The following IL19 variants were observed in gnomAD, a reference collection of about 807,000 sequenced individuals.
IL19 encodes the protein interleukin-19.
IL19 carries 15 observed loss-of-function variants against 19.5 expected under a neutral mutation model. That is an observed-to-expected ratio of 0.77 (90% CI 0.52 to 1.19). The LOEUF (loss-of-function observed/expected upper bound fraction) is 1.19. IL19 is among the 50% of genes most tolerant of loss of function. The pLI, the probability that IL19 is intolerant of heterozygous loss-of-function variation, is 0.00. For synonymous variants in IL19, 78 were observed against 78.3 expected, an observed-to-expected ratio of 1.00 and a Z score of 0.02; for missense variants, 199 against 213.1, an observed-to-expected ratio of 0.93 and a Z score of 0.41.
At chr1:206,797,790 G>C (rs981440388) in intron 1 of IL19, among the ~76,000 whole-genome samples, 3 of 152,206 alleles carry the variant, frequency 2.0e-5, no homozygotes, top group Non-Finnish European at 4.4e-5. Flanking sequence ...GTCTGGAGAA[G>C]GTGTCGTGGT....
intron 5 of IL19, 31 bp from the exon 6 acceptor site, chr1:206,840,971 CCT>C: frequency 6.3e-7 from 1 of 1,588,780 alleles, no homozygotes; most frequent in Non-Finnish European, 8.6e-7. Context: ...GTGGAAATGT[CCT>C]CTGATAGGAG....
chr1:206,834,594 G>A (rs1168169722), intron 2 of IL19, among the ~76,000 whole-genome samples: 1 of 152,212 alleles, frequency 6.6e-6, no homozygotes, highest in Non-Finnish European at 1.5e-5. Context: ...TCAACGAGAA[G>A]AGATAGAGAG....
chr1:206,775,386 A>G (rs907883621), intron 1 of IL19, among the ~76,000 whole-genome samples: 1 of 152,058 alleles, frequency 6.6e-6, no homozygotes, highest in East Asian at 1.9e-4. Context: ...TGAAATGTGT[A>G]GCTAATTATC....
chr1:206,820,598 A>G (rs1676268238), intron 2 of IL19, among the ~76,000 whole-genome samples: 1 of 152,228 alleles, frequency 6.6e-6, no homozygotes, highest in Admixed American at 6.5e-5. Context: ...TGCTAAAAGC[A>G]AACCATCCCA....
chr1:206,810,819 T>C (rs1675986269), intron 2 of IL19, among the ~76,000 whole-genome samples: 1 of 152,218 alleles, frequency 6.6e-6, no homozygotes, highest in Non-Finnish European at 1.5e-5. Flanking sequence ...AGATCCTTCA[T>C]GAATGGCTTG....
chr1:206,781,935 A>G (rs1472652409), intron 1 of IL19, among the ~76,000 whole-genome samples: 1 of 107,652 alleles, frequency 9.3e-6, no homozygotes, highest in Admixed American at 9.9e-5. Flanking sequence ...ATATACATAT[A>G]TATGTATATA....
chr1:206,841,107 T>C, intron 6 of IL19, 29 bp downstream of exon 6: 1 of 1,587,624 alleles, frequency 6.3e-7, no homozygotes, highest in Non-Finnish European at 8.7e-7. Context: ...TTGGGGAAGA[T>C]GGAAGATGAG....
intron 1 of IL19, among the ~76,000 whole-genome samples, chr1:206,781,414 C>CA (rs57060549): frequency 0.18 from 7,653 of 42,754 alleles, 821 homozygotes; most frequent in Non-Finnish European, 0.21. Flanking sequence ...GACTCTGTCT[C>CA]AAAAAAAAAA....
chr1:206,834,588 C>T (rs1195013643), intron 2 of IL19, among the ~76,000 whole-genome samples: 2 of 151,944 alleles, frequency 1.3e-5, no homozygotes, highest in Admixed American at 6.6e-5. Context: ...TTATTTTCAA[C>T]GAGAAGAGAT....
intron 2 of IL19, among the ~76,000 whole-genome samples, chr1:206,833,514 T>C (rs1676680256): frequency 6.6e-6 from 1 of 152,258 alleles, no homozygotes; most frequent in African/African-American, 2.4e-5. Context: ...CCAAACCAAT[T>C]ACCCCCTGGA....
At position 206,836,822 on chromosome 1, in the gene IL19, T is replaced by C. The variant is rs761908671; in HGVS notation, c.144+16T>C. 6 of 1,614,068 alleles carry C rather than the reference T, an allele frequency of 3.7e-6. No individual in the cohort carries two copies. Among genetic ancestry groups the C allele is most frequent in the Admixed American group, 1.7e-5 (1 of 60,022 alleles). On this transcript the variant is annotated intron_variant, in intron 3 of 6. Transcript: ENST00000659997. Reference sequence around the variant, plus strand: ...AAGAGCCATCGTGAGTATGGGTTGGTGTAAAGGTGTGGATGACGGAGTATC... The same window carrying C: ...AAGAGCCATCGTGAGTATGGGTTGGCGTAAAGGTGTGGATGACGGAGTATC...
intron 1 of IL19, among the ~76,000 whole-genome samples, chr1:206,779,495 G>A (rs889818419): frequency 1.3e-5 from 2 of 151,966 alleles, no homozygotes; most frequent in African/African-American, 4.8e-5. Flanking sequence ...GCCTAGTGTT[G>A]GGTCTAATCA....
chr1:206,782,990 T>C (rs1675183917), intron 1 of IL19, among the ~76,000 whole-genome samples: 1 of 152,228 alleles, frequency 6.6e-6, no homozygotes, highest in Admixed American at 6.5e-5. Context: ...TGGCCAGAAT[T>C]TGTCCAATTA....
chr1:206,808,339 AAAC>A (rs1675906413), intron 2 of IL19, among the ~76,000 whole-genome samples: 1 of 152,244 alleles, frequency 6.6e-6, no homozygotes. Flanking sequence ...AAACAAAAAT[AAAC>A]AACAACAAAA....
intron 1 of IL19, chr1:206,771,484 G>T: frequency 1.6e-6 from 2 of 1,277,670 alleles, no homozygotes; most frequent in East Asian, 2.5e-5. Flanking sequence ...TCTTTTTGAT[G>T]CCCTTTCATT....
intron 2 of IL19, among the ~76,000 whole-genome samples, chr1:206,801,484 C>T (rs768003902): frequency 1.3e-5 from 2 of 152,242 alleles, no homozygotes; most frequent in Non-Finnish European, 2.9e-5. Flanking sequence ...GGTCAGCCTC[C>T]AGCACTGTTG....
intron 2 of IL19, among the ~76,000 whole-genome samples, chr1:206,809,698 C>G (rs2102466646): frequency 6.6e-6 from 1 of 152,286 alleles, no homozygotes; most frequent in African/African-American, 2.4e-5. Context: ...ACTGTAGCAG[C>G]CTGGGTGCAT....
intron 2 of IL19, among the ~76,000 whole-genome samples, chr1:206,810,020 T>C (rs10863860): frequency 0.31 from 47,317 of 152,148 alleles, 7,696 homozygotes; most frequent in East Asian, 0.41. Context: ...TATTGCCACT[T>C]GCCTCACCAT....
chr1:206,835,420 G>A (rs1676753542), intron 2 of IL19, among the ~76,000 whole-genome samples: 1 of 152,218 alleles, frequency 6.6e-6, no homozygotes, highest in African/African-American at 2.4e-5. Flanking sequence ...TGGGAATGAT[G>A]CCCAGTTAAG....
Sources: gnomAD v4.1 joint callset for allele counts (sites outside exome capture counted in the v4.1 genomes callset) on GRCh38, gnomAD v4.1.1 for gene constraint, MANE v1.5 for transcripts, NCBI Gene and HGNC (gene_info 2026-07-23, HGNC 2026-07-21) for gene names.